Variants in CCSER1 observed in about 807,000 individuals in gnomAD.
CCSER1 encodes the protein coiled-coil serine rich protein 1.
A neutral mutation model predicts 82.0 loss-of-function variants in CCSER1; 41 were observed. That is an observed-to-expected ratio of 0.50 (90% confidence interval 0.39 to 0.65). The LOEUF (loss-of-function observed/expected upper bound fraction) is 0.65. CCSER1 is among the 30% of genes least tolerant of loss of function. CCSER1 has a pLI of 0.00. For synonymous variants in CCSER1, 414 were observed against 383.9 expected, an observed-to-expected ratio of 1.08 and a Z score of -0.92; for missense variants, 1,119 against 1,064.2, an observed-to-expected ratio of 1.05 and a Z score of -0.72.
chr4:91,176,658 C>A (rs936168810), intron 10 of CCSER1, among the ~76,000 whole-genome samples: 4 of 152,136 alleles, frequency 2.6e-5, no homozygotes, highest in Non-Finnish European at 5.9e-5. Context: ...GTGATTTTTG[C>A]ACATTGATTT....
At chr4:90,850,503 T>A (rs1763745769) in intron 8 of CCSER1, among the ~76,000 whole-genome samples, 1 of 152,232 alleles carries the variant, frequency 6.6e-6, no homozygotes, top group Non-Finnish European at 1.5e-5. Context: ...GGAGCCCACT[T>A]CCTGCACCAG....
intron 9 of CCSER1, among the ~76,000 whole-genome samples, chr4:90,961,682 A>T (rs1734066510): frequency 6.6e-6 from 1 of 152,070 alleles, no homozygotes; most frequent in Admixed American, 6.6e-5. Context: ...AAGTAAGTAC[A>T]TTTATATTCA....
chr4:90,199,902 A>C (rs948324961), intron 1 of CCSER1, among the ~76,000 whole-genome samples: 1 of 152,164 alleles, frequency 6.6e-6, no homozygotes, highest in Non-Finnish European at 1.5e-5. Context: ...TAGATTCGCT[A>C]AAGAAGTTTG....
At chr4:90,807,386 G>C (rs1387763800) in intron 7 of CCSER1, among the ~76,000 whole-genome samples, 1 of 152,152 alleles carries the variant, frequency 6.6e-6, no homozygotes, top group Non-Finnish European at 1.5e-5. Context: ...TGTAAAAGAG[G>C]TGGAACAGAA....
chr4:91,400,789 A>G (rs1396086884), intron 10 of CCSER1, among the ~76,000 whole-genome samples: 1 of 151,760 alleles, frequency 6.6e-6, no homozygotes, highest in Non-Finnish European at 1.5e-5. Flanking sequence ...CAATAATTCA[A>G]TTACACTGTG....
At chr4:90,761,140 G>A (rs967173603) in intron 7 of CCSER1, among the ~76,000 whole-genome samples, 1 of 151,970 alleles carries the variant, frequency 6.6e-6, no homozygotes, top group South Asian at 2.1e-4. Context: ...CTGAATAAAC[G>A]GTAGATGATG....
chr4:91,418,645 C>A (rs548896114), intron 10 of CCSER1, among the ~76,000 whole-genome samples: 119 of 152,022 alleles, frequency 7.8e-4, no homozygotes, highest in African/African-American at 2.7e-3. Context: ...TCTACCAAGC[C>A]TTTAAAGAAG....
At chr4:90,652,485 T>A (rs1462136584) in intron 6 of CCSER1, among the ~76,000 whole-genome samples, 2 of 152,156 alleles carry the variant, frequency 1.3e-5, no homozygotes, top group African/African-American at 4.8e-5. Flanking sequence ...GAGAAACTGA[T>A]ATCCCAAAAT....
At chr4:90,447,379 C>T (rs148755590) in intron 4 of CCSER1, among the ~76,000 whole-genome samples, 54 of 152,030 alleles carry the variant, frequency 3.6e-4, no homozygotes, top group African/African-American at 1.2e-3. Context: ...AATGCATTCT[C>T]TTACTAGAAC....
intron 8 of CCSER1, among the ~76,000 whole-genome samples, chr4:90,821,798 T>A (rs1429874399): frequency 3.3e-5 from 5 of 152,156 alleles, no homozygotes; most frequent in Admixed American, 3.3e-4. Flanking sequence ...TTTGTGAAGG[T>A]TATGTTGAAG....
At chr4:91,078,031 CA>C in intron 9 of CCSER1, among the ~76,000 whole-genome samples, 1 of 152,242 alleles carries the variant, frequency 6.6e-6, no homozygotes, top group East Asian at 1.9e-4. Flanking sequence ...CATAGCCGAA[CA>C]AAAGGCAGCA....
chr4:91,013,041 T>G (rs936611864), intron 9 of CCSER1, among the ~76,000 whole-genome samples: 1 of 134,746 alleles, frequency 7.4e-6, no homozygotes, highest in African/African-American at 2.5e-5. Context: ...CTGATACTCC[T>G]TTGATGTACT....
rs191103106 is a variant in CCSER1 at position 90,565,975 on chromosome 4, C to G, written c.1725-62050C>G. On this transcript the variant is annotated intron_variant, in intron 5 of 10. Transcript: ENST00000509176. ...TCCCGGGTTCAAGTGATTCTCCTGC[C>G]TCATCCCTAGTAGCTGGGACTACAG... Among the ~76,000 whole-genome samples the G allele has an allele frequency of 1.3e-3, 197 of 151,636 alleles. 1 individual carries two copies. The highest frequency in any genetic ancestry group is 6.8e-3 in the Middle Eastern group (2 of 292).
At chr4:91,463,689 G>A (rs960118987) in intron 10 of CCSER1, among the ~76,000 whole-genome samples, 7 of 152,152 alleles carry the variant, frequency 4.6e-5, no homozygotes, top group South Asian at 2.1e-4. Context: ...ACCATGGCAC[G>A]AGAGCTACGT....
At chr4:90,737,835 C>T (rs1745913478) in intron 7 of CCSER1, among the ~76,000 whole-genome samples, 2 of 152,104 alleles carry the variant, frequency 1.3e-5, no homozygotes, top group South Asian at 4.1e-4. Flanking sequence ...AGCCTGTCTT[C>T]AGGCTTATTA....
rs565654098 is a variant in CCSER1, at chr4:90,741,724, G to A, written c.2010+17733G>A. On this transcript the variant is annotated intron_variant, in intron 7 of 10. Transcript: ENST00000509176. ...ACAGTTTACCTATAAGTGTGAACAC[G>A]TTTTTTAAAATAAGAAGTTAGTAAC... Among the ~76,000 whole-genome samples the A allele has an allele frequency of 2.0e-4, 30 of 152,146 alleles. No homozygotes were observed. In the East Asian group the frequency reaches 2.7e-3, roughly 14 times the overall value.
chr4:90,847,575 A>G (rs1468501634), intron 8 of CCSER1, among the ~76,000 whole-genome samples: 1 of 152,182 alleles, frequency 6.6e-6, no homozygotes, highest in Non-Finnish European at 1.5e-5. Flanking sequence ...ATCTAATAAC[A>G]GATACTTACT....
chr4:90,528,599 A>G (rs1249914607), intron 5 of CCSER1, among the ~76,000 whole-genome samples: 1 of 152,224 alleles, frequency 6.6e-6, no homozygotes, highest in Non-Finnish European at 1.5e-5. Flanking sequence ...TAAAGACTTC[A>G]TAATATTACT....
At chr4:91,566,666 T>C (rs781300740) in intron 10 of CCSER1, among the ~76,000 whole-genome samples, 1 of 152,114 alleles carries the variant, frequency 6.6e-6, no homozygotes, top group Non-Finnish European at 1.5e-5. Context: ...ATTTTCTAGT[T>C]TGTGTGTGTA....
Sources: gnomAD v4.1 joint callset for allele counts (sites outside exome capture counted in the v4.1 genomes callset) on GRCh38, gnomAD v4.1.1 for gene constraint, MANE v1.5 for transcripts, NCBI Gene and HGNC (gene_info 2026-07-23, HGNC 2026-07-21) for gene names.